The following MTRF1 variants were observed in gnomAD, a reference collection of about 807,000 sequenced individuals.
The protein encoded by MTRF1 is peptide chain release factor 1, mitochondrial.
Under a neutral mutation model 62.9 loss-of-function variants are expected in MTRF1, and 51 were observed. The observed-to-expected ratio is 0.81, with a 90% CI of 0.65 to 1.02. The LOEUF (loss-of-function observed/expected upper bound fraction) is 1.02. Ranked by LOEUF, MTRF1 falls within the 50% of genes least tolerant of loss-of-function variation. The pLI, the probability that MTRF1 is intolerant of heterozygous loss-of-function variation, is 0.00. For missense variants in MTRF1, 446 were observed against 530.0 expected (o/e 0.84, Z 1.56); for synonymous variants, 158 against 181.9 (o/e 0.87, Z 1.06).
At chr13:41,252,454 T>A (rs183003783) in intron 5 of MTRF1, 191 bp downstream of exon 5, 1 of 409,604 alleles carries the variant, frequency 2.4e-6, no homozygotes, top group East Asian at 3.6e-5. Flanking sequence ...CTTCCCTCCT[T>A]TCTACTGTCT....
At chr13:41,311,560 G>A in the MTRF1 span, 284 of 1,608,736 alleles carry the variant, frequency 1.8e-4, no homozygotes, top group Non-Finnish European at 2.2e-4. Flanking sequence ...CCCAAGGAGA[G>A]CAACCTCTTC....
rs532692540 is a variant in MTRF1, at chr13:41,255,466, C to T, written c.416-846G>A. On this transcript the variant is annotated intron_variant, in intron 2 of 9. Coordinates refer to ENST00000379480, the MANE Select transcript of MTRF1 (RefSeq NM_004294.4). The stretch of plus-strand genomic sequence containing the variant: ...CAGCACTTTGGGAGGCCAAGGCAGG[C>T]GGATCACTTGAGGTCAGAAGTTCGA... Among the ~76,000 whole-genome samples the T allele has an allele frequency of 1.8e-4, 28 of 152,234 alleles. No individual in the cohort carries two copies. The East Asian group carries it at 5.0e-3, about 27-fold the overall frequency.
At chr13:41,309,847 T>C in the MTRF1 span, among the ~76,000 whole-genome samples, 1 of 152,066 alleles carries the variant, frequency 6.6e-6, no homozygotes, top group African/African-American at 2.4e-5. Context: ...AAATACTAAA[T>C]TAGCCAGGTG....
chr13:41,231,404 A>C (rs1420038077), intron 7 of MTRF1, among the ~76,000 whole-genome samples: 1 of 152,210 alleles, frequency 6.6e-6, no homozygotes, highest in East Asian at 1.9e-4. Context: ...GGATAATTAA[A>C]TCAGGAAAAT....
intron 9 of MTRF1, among the ~76,000 whole-genome samples, chr13:41,221,720 T>TTC (rs2033406089): frequency 6.6e-6 from 1 of 152,192 alleles, no homozygotes; most frequent in African/African-American, 2.4e-5. Context: ...AGCCAGTTAG[T>TTC]TACCTTCCCT....
At chr13:41,218,450 C>T (rs2032434785) in intron 9 of MTRF1, among the ~76,000 whole-genome samples, 1 of 151,912 alleles carries the variant, frequency 6.6e-6, no homozygotes, top group South Asian at 2.1e-4. Flanking sequence ...ATTATGTAAA[C>T]TTGAAAAAGT....
At chr13:41,242,809 C>T (rs996196561) in intron 5 of MTRF1, among the ~76,000 whole-genome samples, 9 of 152,014 alleles carry the variant, frequency 5.9e-5, no homozygotes, top group African/African-American at 1.9e-4. Flanking sequence ...AATGGCTGGG[C>T]GCAGTGGTTC....
At chr13:41,308,245 C>T in the MTRF1 span, among the ~76,000 whole-genome samples, 1 of 152,154 alleles carries the variant, frequency 6.6e-6, no homozygotes. Flanking sequence ...CGTTCCTTGT[C>T]TTCAAAATAT....
intron 6 of MTRF1, 94 bp downstream of exon 6, chr13:41,240,162 CAAAAA>C: frequency 2.9e-6 from 3 of 1,051,084 alleles, no homozygotes; most frequent in Non-Finnish European, 2.6e-6. Context: ...GACTCTGTCT[CAAAAA>C]AAAAAAAAAG....
At chr13:41,293,480 C>T in the MTRF1 span, among the ~76,000 whole-genome samples, 1 of 152,240 alleles carries the variant, frequency 6.6e-6, no homozygotes, top group Admixed American at 6.5e-5. Flanking sequence ...TGGTTTAACA[C>T]AAAGGTTATA....
chr13:41,223,479 T>C (rs1021581496), intron 8 of MTRF1, 125 bp from the exon 9 acceptor site: 1 of 714,888 alleles, frequency 1.4e-6, no homozygotes, highest in Non-Finnish European at 2.3e-6. Flanking sequence ...ATATACAAAA[T>C]GACAAAGAAA....
At chr13:41,263,385 A>G (rs971119613) in intron 1 of MTRF1, 100 bp downstream of exon 1, 1 of 950,814 alleles carries the variant, frequency 1.1e-6, no homozygotes, top group African/African-American at 1.7e-5. Context: ...GCGGGGCAGC[A>G]GCACGGGCAA....
chr13:41,254,824 T>C (rs1253362310), intron 2 of MTRF1, among the ~76,000 whole-genome samples: 1 of 152,058 alleles, frequency 6.6e-6, no homozygotes, highest in Non-Finnish European at 1.5e-5. Flanking sequence ...TGAAAAGCAA[T>C]ATAATCGTGC....
rs2034444024 is a variant in MTRF1, at chr13:41,226,416, A to T, written c.1125+16T>A. ...CTTTAAACAGTCACTAAATTATTAT[A>T]CCAAGTAAATCTTACCTGCAGTTTT... On this transcript the variant is annotated intron_variant, in intron 8 of 9. Coordinates refer to ENST00000379480, the MANE Select transcript of MTRF1 (RefSeq NM_004294.4). The T allele has an allele frequency of 6.3e-7, 1 of 1,599,984 alleles. No homozygotes were observed. Among genetic ancestry groups the T allele is most frequent in the Admixed American group, 1.8e-5 (1 of 55,416 alleles).
At chr13:41,301,926 T>C in the MTRF1 span, among the ~76,000 whole-genome samples, 2 of 152,338 alleles carry the variant, frequency 1.3e-5, no homozygotes, top group South Asian at 4.2e-4. Flanking sequence ...GGTTGATCTT[T>C]CCTGGCTATT....
At chr13:41,311,434 C>T in the MTRF1 span, 4 of 1,230,502 alleles carry the variant, frequency 3.3e-6, no homozygotes, top group South Asian at 4.0e-5. Flanking sequence ...CAGCCCGACT[C>T]TCAGCAGCGG....
the MTRF1 span, among the ~76,000 whole-genome samples, chr13:41,288,609 GT>G: frequency 4.6e-5 from 7 of 152,168 alleles, no homozygotes; most frequent in East Asian, 1.3e-3. Flanking sequence ...AGTAATTGCA[GT>G]TTTTGCATTG....
At chr13:41,307,195 C>A in the MTRF1 span, among the ~76,000 whole-genome samples, 2 of 152,138 alleles carry the variant, frequency 1.3e-5, no homozygotes, top group African/African-American at 4.8e-5. Flanking sequence ...GTGCCCCCCC[C>A]ACCCCAATCT....
chr13:41,219,240 G>A (rs1001864978), intron 9 of MTRF1, among the ~76,000 whole-genome samples: 5 of 150,598 alleles, frequency 3.3e-5, no homozygotes, highest in East Asian at 2.0e-4. Flanking sequence ...GCAGTGAGCC[G>A]AGATTGCGCC....
Sources: gnomAD v4.1 joint callset for allele counts (sites outside exome capture counted in the v4.1 genomes callset) on GRCh38, gnomAD v4.1.1 for gene constraint, MANE v1.5 for transcripts, NCBI Gene and HGNC (gene_info 2026-07-23, HGNC 2026-07-21) for gene names.